TMEM255A: variants seen among roughly 807,000 people sequenced by gnomAD.
TMEM255A encodes transmembrane protein 255A, also known as family with sequence similarity 70, member A.
Under a neutral mutation model 23.5 loss-of-function variants are expected in TMEM255A, and 14 were observed. That is an observed-to-expected ratio of 0.60 (90% CI 0.39 to 0.93). The LOEUF (loss-of-function observed/expected upper bound fraction) is 0.93, where lower values mean the gene tolerates loss of function less well. Among genes scored for constraint, TMEM255A ranks in the 40% least tolerant of loss-of-function variants. The probability of loss-of-function intolerance (pLI) is 0.00; values close to 1 mark genes in which losing one functional copy is unlikely to be tolerated. For missense variants in TMEM255A, 233 were observed against 261.7 expected (o/e 0.89, Z 0.76); for synonymous variants, 104 against 100.3 (o/e 1.04, Z -0.22).
intron 8 of TMEM255A, 36 bp from the exon 9 acceptor site, chrX:120,261,064 G>A (rs782233006): frequency 8.5e-7 from 1 of 1,177,045 alleles, no homozygotes; most frequent in Non-Finnish European, 1.1e-6. Context: ...TTTAGGCAGT[G>A]AGTTTGCAAT....
chrX:120,299,166 C>T lies in TMEM255A; in HGVS notation c.202-5115G>A, dbSNP rs782756275. On this transcript the variant is annotated intron_variant, in intron 2 of 8. Coordinates refer to ENST00000371369, the MANE Select transcript of TMEM255A (RefSeq NM_001104544.3). ...TCAAATGTATTTATTTATTTAGAGA[C>T]AGGATCTCACTCTGTCACCCAGTCT... is the stretch of plus-strand genomic sequence containing the variant. Among the ~76,000 whole-genome samples the T allele has an allele frequency of 1.1e-4, 12 of 111,735 alleles. No homozygotes were observed. The South Asian group carries it at 4.5e-3, about 42-fold the overall frequency.
chrX:120,285,700 A>G (rs1556021707), intron 5 of TMEM255A: 1 of 1,210,783 alleles, frequency 8.3e-7, no homozygotes, highest in Non-Finnish European at 1.1e-6. Context: ...TTATGACCTT[A>G]TGTAGGAAAA....
intron 2 of TMEM255A, among the ~76,000 whole-genome samples, chrX:120,296,649 TA>T (rs1556024167): frequency 1.5e-5 from 1 of 67,054 alleles, no homozygotes; most frequent in East Asian, 4.2e-4. Flanking sequence ...TATTATAATA[TA>T]ATATATATTA....
intron 7 of TMEM255A, among the ~76,000 whole-genome samples, chrX:120,272,500 C>T (rs781898928): frequency 2.7e-5 from 3 of 111,257 alleles, no homozygotes; most frequent in Admixed American, 9.5e-5. Context: ...GTGATTGAAT[C>T]GTGGGGGTGG....
At chrX:120,310,537 C>T (rs1451097137) in intron 1 of TMEM255A, among the ~76,000 whole-genome samples, 3 of 112,085 alleles carry the variant, frequency 2.7e-5, no homozygotes, top group Non-Finnish European at 5.6e-5. Context: ...CTCACTCCTG[C>T]CCCTGACTCC....
intron 1 of TMEM255A, among the ~76,000 whole-genome samples, chrX:120,308,018 A>G (rs1556027445): frequency 8.9e-6 from 1 of 112,132 alleles, no homozygotes; most frequent in African/African-American, 3.3e-5. Context: ...CCCTGGTCAG[A>G]GCCCCCATCT....
intron 7 of TMEM255A, among the ~76,000 whole-genome samples, chrX:120,275,174 A>C (rs1556019504): frequency 8.9e-6 from 1 of 112,356 alleles, no homozygotes; most frequent in Non-Finnish European, 1.9e-5. Context: ...TTTACAGGAA[A>C]TCCTTTTCCC....
chrX:120,310,570 C>G (rs2058092681), intron 1 of TMEM255A, among the ~76,000 whole-genome samples: 1 of 111,973 alleles, frequency 8.9e-6, no homozygotes, highest in Non-Finnish European at 1.9e-5. Context: ...ATGCACATTC[C>G]GTGCATTTGG....
At chrX:120,258,267 C>G (rs1556015847), downstream of TMEM255A, 1 of 123,183 alleles carries the variant, frequency 8.1e-6, no homozygotes, top group Non-Finnish European at 1.9e-5. Context: ...CTTGTTCATT[C>G]CTCCGAGTAC....
chrX:120,279,961 C>CT (rs1225912201), intron 6 of TMEM255A, among the ~76,000 whole-genome samples: 16 of 76,823 alleles, frequency 2.1e-4, no homozygotes, highest in African/African-American at 6.5e-4. Context: ...TTTTCTTTTT[C>CT]TTTTTTTTTC....
downstream of TMEM255A, chrX:120,254,473 C>T (rs1190133670): frequency 1.7e-6 from 2 of 1,211,771 alleles, no homozygotes; most frequent in Non-Finnish European, 1.1e-6. Context: ...GTCAGTAATA[C>T]ATCTTTGGTC....
chrX:120,306,760 TTCACAGC>T (rs1352802227), intron 1 of TMEM255A, among the ~76,000 whole-genome samples: 1 of 112,472 alleles, frequency 8.9e-6, no homozygotes, highest in African/African-American at 3.2e-5. Context: ...TTTAATCTTA[TTCACAGC>T]TCTTGGGTCT....
At chrX:120,277,377 T>G (rs1556020054) in intron 6 of TMEM255A, among the ~76,000 whole-genome samples, 1 of 112,312 alleles carries the variant, frequency 8.9e-6, no homozygotes, top group East Asian at 2.8e-4. Context: ...GCATCTGTGC[T>G]GTTTAATGTG....
chrX:120,286,696 C>G (rs184767018), intron 5 of TMEM255A, among the ~76,000 whole-genome samples: 3 of 111,990 alleles, frequency 2.7e-5, no homozygotes, highest in Non-Finnish European at 5.6e-5. Flanking sequence ...TCTCAGTTAC[C>G]CTCATTTGGC....
chrX:120,268,188 G>T, intron 8 of TMEM255A, 56 bp downstream of exon 8: 1 of 1,131,795 alleles, frequency 8.8e-7, no homozygotes, highest in Non-Finnish European at 1.2e-6. Context: ...GAGAGAACAA[G>T]AGAGCATGAG....
chrX:120,311,131 AC>A (rs2058098533), intron 1 of TMEM255A, 120 bp downstream of exon 1: 1 of 658,287 alleles, frequency 1.5e-6, no homozygotes, highest in African/African-American at 2.2e-5. Flanking sequence ...CGCGAAGACC[AC>A]CCCATCCATG....
At chrX:120,283,304 A>G (rs953490865) in intron 6 of TMEM255A, among the ~76,000 whole-genome samples, 1 of 110,742 alleles carries the variant, frequency 9.0e-6, no homozygotes, top group African/African-American at 3.3e-5. Flanking sequence ...GAATCTGTAA[A>G]TTTCTCTTCC....
intron 1 of TMEM255A, 100 bp from the exon 2 acceptor site, chrX:120,304,591 C>A: frequency 3.2e-6 from 3 of 924,691 alleles, no homozygotes; most frequent in East Asian, 3.2e-5. Context: ...CTATTCCTAC[C>A]GGTAACTGAA....
At chrX:120,271,436 T>A (rs1276320286) in intron 7 of TMEM255A, among the ~76,000 whole-genome samples, 4 of 111,968 alleles carry the variant, frequency 3.6e-5, no homozygotes, top group Non-Finnish European at 5.6e-5. Context: ...TAGTGAAGAT[T>A]AACTGTGCAA....
Sources: gnomAD v4.1 joint callset for allele counts (sites outside exome capture counted in the v4.1 genomes callset) on GRCh38, gnomAD v4.1.1 for gene constraint, MANE v1.5 for transcripts, NCBI Gene and HGNC (gene_info 2026-07-23, HGNC 2026-07-21) for gene names.